The following SND1 variants were observed in gnomAD, a reference collection of about 807,000 sequenced individuals.
SND1 encodes staphylococcal nuclease domain-containing protein 1.
SND1 carries 38 observed loss-of-function variants against 121.7 expected under a neutral mutation model. That is an observed-to-expected ratio of 0.31 (90% CI 0.24 to 0.41). The LOEUF (loss-of-function observed/expected upper bound fraction) is 0.41, where lower values mean the gene tolerates loss of function less well. Among genes scored for constraint, SND1 ranks in the 10% least tolerant of loss-of-function variants. The pLI is 1.00. For missense variants in SND1, 868 were observed against 1,184.6 expected, an observed-to-expected ratio of 0.73 and a Z score of 3.92; for synonymous variants, 401 against 447.4, an observed-to-expected ratio of 0.90 and a Z score of 1.31.
At chr7:127,925,055 C>T (rs1584670671) in intron 14 of SND1, among the ~76,000 whole-genome samples, 2 of 152,200 alleles carry the variant, frequency 1.3e-5, no homozygotes, top group South Asian at 2.1e-4. Flanking sequence ...TGAAGTCACC[C>T]CAGGCACATT....
intron 12 of SND1, among the ~76,000 whole-genome samples, chr7:127,863,899 C>G (rs1257725776): frequency 2.0e-5 from 3 of 152,114 alleles, no homozygotes; most frequent in Non-Finnish European, 4.4e-5. Context: ...AAGAGTTTGC[C>G]TGCCCCTGTC....
chr7:128,091,326 C>G (rs1793775804), intron 22 of SND1, among the ~76,000 whole-genome samples: 1 of 152,136 alleles, frequency 6.6e-6, no homozygotes, highest in Admixed American at 6.5e-5. Flanking sequence ...CCAAGTGATC[C>G]TCCCACCTCA....
intron 15 of SND1, among the ~76,000 whole-genome samples, chr7:127,961,131 A>G (rs1801721062): frequency 6.6e-6 from 1 of 152,204 alleles, no homozygotes; most frequent in Non-Finnish European, 1.5e-5. Flanking sequence ...GGTCCACTGT[A>G]TGTTTTTCCA....
At chr7:127,995,143 T>C (rs771661486) in intron 16 of SND1, among the ~76,000 whole-genome samples, 4 of 152,286 alleles carry the variant, frequency 2.6e-5, no homozygotes, top group Non-Finnish European at 1.5e-5. Flanking sequence ...GATCTGTTCC[T>C]TTACCAAAAA....
At chr7:127,829,535 A>G (rs990936396) in intron 11 of SND1, among the ~76,000 whole-genome samples, 1 of 152,228 alleles carries the variant, frequency 6.6e-6, no homozygotes, top group African/African-American at 2.4e-5. Flanking sequence ...TCCTTAGGCC[A>G]CTGACTGCTC....
intron 1 of SND1, among the ~76,000 whole-genome samples, chr7:127,682,198 G>T: frequency 6.6e-6 from 1 of 152,106 alleles, no homozygotes; most frequent in Non-Finnish European, 1.5e-5. Flanking sequence ...CTGTTGCTGG[G>T]CAACATTTTA....
intron 1 of SND1, among the ~76,000 whole-genome samples, chr7:127,666,808 C>A (rs913808568): frequency 6.6e-6 from 1 of 151,916 alleles, no homozygotes; most frequent in South Asian, 2.1e-4. Context: ...TGACAGAGGG[C>A]GGGAAGGGCC....
At chr7:127,823,536 C>T in intron 11 of SND1, among the ~76,000 whole-genome samples, 1 of 152,124 alleles carries the variant, frequency 6.6e-6, no homozygotes, top group African/African-American at 2.4e-5. Context: ...TGCACCCTAC[C>T]AGCAGGTTTT....
At chr7:127,829,268 G>A (rs1306772459) in intron 11 of SND1, among the ~76,000 whole-genome samples, 1 of 152,098 alleles carries the variant, frequency 6.6e-6, no homozygotes, top group Non-Finnish European at 1.5e-5. Flanking sequence ...CTGAACAGTG[G>A]CTGTACTCTT....
intron 1 of SND1, among the ~76,000 whole-genome samples, chr7:127,655,225 T>C (rs965852924): frequency 5.9e-5 from 9 of 152,196 alleles, no homozygotes; most frequent in African/African-American, 9.7e-5. Context: ...CAAAAGAAAG[T>C]GTTGCAGGGC....
intron 15 of SND1, among the ~76,000 whole-genome samples, chr7:127,982,160 C>T (rs2116903129): frequency 6.6e-6 from 1 of 152,368 alleles, no homozygotes; most frequent in South Asian, 2.1e-4. Flanking sequence ...CCAAGCACCG[C>T]ACTTCCTGTC....
intron 16 of SND1, among the ~76,000 whole-genome samples, chr7:128,035,249 T>G (rs891579569): frequency 6.6e-6 from 1 of 152,266 alleles, no homozygotes; most frequent in African/African-American, 2.4e-5. Flanking sequence ...AGAAAGTTTC[T>G]TACCGCTCTC....
chr7:127,871,580 G>A (rs1799587640), intron 12 of SND1, among the ~76,000 whole-genome samples: 1 of 152,158 alleles, frequency 6.6e-6, no homozygotes, highest in African/African-American at 2.4e-5. Flanking sequence ...GTGAAGATGA[G>A]TGTTTGGTTT....
intron 16 of SND1, among the ~76,000 whole-genome samples, chr7:128,020,606 TTCTG>T: frequency 6.6e-6 from 1 of 152,330 alleles, no homozygotes; most frequent in Non-Finnish European, 1.5e-5. Context: ...TGAACCTGTG[TTCTG>T]TCTCAGTGTC....
chr7:127,763,543 C>T (rs1467293252), intron 10 of SND1, among the ~76,000 whole-genome samples: 1 of 152,060 alleles, frequency 6.6e-6, no homozygotes, highest in Non-Finnish European at 1.5e-5. Flanking sequence ...GATAGGGTCT[C>T]ACTTTGTTGC....
intron 16 of SND1, among the ~76,000 whole-genome samples, chr7:128,025,232 C>G (rs944057858): frequency 2.6e-5 from 4 of 152,186 alleles, no homozygotes; most frequent in Non-Finnish European, 5.9e-5. Context: ...TTAGGAAGGT[C>G]TCATTTTAAC....
chr7:127,883,961 A>C (rs1291248426), intron 12 of SND1, among the ~76,000 whole-genome samples: 1 of 151,916 alleles, frequency 6.6e-6, no homozygotes, highest in African/African-American at 2.4e-5. Context: ...GTACTATTTT[A>C]CTCTTTCTAA....
chr7:127,794,319 G>T (rs980340142), intron 10 of SND1, among the ~76,000 whole-genome samples: 2 of 152,136 alleles, frequency 1.3e-5, no homozygotes, highest in Admixed American at 6.5e-5. Flanking sequence ...ACCTTTCTGT[G>T]TGCACTTACA....
At chr7:127,935,388 A>G (rs570114076) in intron 15 of SND1, among the ~76,000 whole-genome samples, 6 of 152,328 alleles carry the variant, frequency 3.9e-5, no homozygotes, top group Admixed American at 1.3e-4. Flanking sequence ...TCATAATATA[A>G]ATTTTAGAAT....
Sources: allele counts gnomAD v4.1 joint callset (sites outside exome capture counted in the v4.1 genomes callset), GRCh38; gene constraint gnomAD v4.1.1; transcripts MANE v1.5; gene names NCBI Gene and HGNC (gene_info 2026-07-23, HGNC 2026-07-21).